PRR14L: variants seen among roughly 807,000 people sequenced by gnomAD.
PRR14L encodes the protein proline rich 14 like, also known as protein PRR14L.
Under a neutral mutation model 155.0 loss-of-function variants are expected in PRR14L, and 80 were observed. That is an observed-to-expected ratio of 0.52 (90% CI 0.43 to 0.62). The LOEUF (loss-of-function observed/expected upper bound fraction) is 0.62. Ranked by LOEUF, PRR14L falls within the 20% of genes least tolerant of loss-of-function variation. The pLI is 0.00. For synonymous variants in PRR14L, 883 were observed against 916.0 expected (o/e 0.96, Z 0.65); for missense variants, 2,469 against 2,548.0 (o/e 0.97, Z 0.67).
chr22:31,736,381 T>C (rs1411867363), intron 2 of PRR14L, among the ~76,000 whole-genome samples: 1 of 148,104 alleles, frequency 6.8e-6, no homozygotes, highest in Non-Finnish European at 1.5e-5. Flanking sequence ...AGCGAAACTC[T>C]GTCTCAAAAA....
chr22:31,702,112 T>C (rs1321616365), intron 6 of PRR14L, among the ~76,000 whole-genome samples: 1 of 152,226 alleles, frequency 6.6e-6, no homozygotes, highest in Non-Finnish European at 1.5e-5. Context: ...TTGTAAGATA[T>C]TTTAAATATA....
intron 8 of PRR14L, among the ~76,000 whole-genome samples, chr22:31,686,237 T>C (rs553777429): frequency 6.6e-6 from 1 of 151,692 alleles, no homozygotes; most frequent in East Asian, 1.9e-4. Flanking sequence ...TAGCTGGGAC[T>C]ACAGGTGCCC....
chr22:31,715,516 T>C lies in PRR14L; in HGVS notation c.2323A>G (p.Ile775Val), dbSNP rs185586556. 86 of 1,552,308 alleles carry C rather than the reference T, an allele frequency of 5.5e-5. No individual in the cohort carries two copies. In the African/African-American group the frequency reaches 8.1e-4, roughly 15 times the overall value. ...TGAGATTGAACGCTGTGACATTCTA[T>C]GACAGAGACCACTTGAGGAAAGCCA... is the stretch of plus-strand genomic sequence containing the variant. ...AAGFPQVVSV[I>V]ECHSVQSQDI... The change falls in exon 4 of 9, where the codon ATA becomes GTA. Residue 775 changes from isoleucine (I) to valine (V), a missense_variant. By Grantham distance (29) the Ile-to-Val change is conservative. This residue lies in a region of PRR14L where 2,363 missense variants were observed against 2,371.6 expected (regional missense o/e 1.00). Coordinates refer to ENST00000327423, the MANE Select transcript of PRR14L (RefSeq NM_173566.3).
chr22:31,744,770 T>C (rs1190350091), intron 1 of PRR14L, among the ~76,000 whole-genome samples: 1 of 152,188 alleles, frequency 6.6e-6, no homozygotes, highest in Non-Finnish European at 1.5e-5. Flanking sequence ...AGCTCAACAT[T>C]TGTTCCAAAT....
Position 31,713,998 on chromosome 22 carries a change from G to A in PRR14L, c.3841C>T (p.Pro1281Ser), listed in dbSNP as rs980210573. 1.3e-6 allele frequency: 2 copies of A among 1,551,390 alleles called. No individual in the cohort carries two copies. Among genetic ancestry groups the A allele is most frequent in the Non-Finnish European group, 1.7e-6 (2 of 1,146,710 alleles). ...CENVKDCTVL[P>S]EMKEIVSRDW... ...CTTGATACTATTTCCTTCATCTCAG[G>A]AAGGACTGTGCAGTCCTTTACATTT... Residue 1281 changes from proline (P) to serine (S), a missense_variant, in exon 4 of 9, where the codon CCT (proline) becomes TCT (serine). Transcript: ENST00000327423.
chr22:31,717,792 G>A (rs747250538), intron 3 of PRR14L, among the ~76,000 whole-genome samples: 8 of 151,986 alleles, frequency 5.3e-5, no homozygotes, highest in Non-Finnish European at 1.0e-4. Context: ...ACAGAGTCTT[G>A]CTCTGTTGCC....
At chr22:31,744,149 T>TG (rs1459443585) in intron 1 of PRR14L, among the ~76,000 whole-genome samples, 7 of 150,886 alleles carry the variant, frequency 4.6e-5, no homozygotes, top group African/African-American at 1.7e-4. Context: ...TTTTTTTTTT[T>TG]GGGATGGAGT....
Position 31,713,568 on chromosome 22 carries a change from A to G in PRR14L, c.4271T>C (p.Leu1424Ser), listed in dbSNP as rs556459687. 5 of 1,552,086 alleles carry G rather than the reference A, an allele frequency of 3.2e-6. No homozygotes were observed. In the Admixed American group the frequency reaches 9.8e-5, roughly 30 times the overall value. Residue 1424 changes from leucine (L) to serine (S), a missense_variant, in exon 4 of 9, where the codon TTG becomes TCG. Physicochemically the swap from Leu to Ser is moderately radical, Grantham distance 145. This residue lies in a region of PRR14L where 2,363 missense variants were observed against 2,371.6 expected (regional missense o/e 1.00). Coordinates refer to ENST00000327423, the MANE Select transcript of PRR14L (RefSeq NM_173566.3). ...ISQQCISSSL[L>S]LDDAQNQNQP... ...GTTCTGATTTTGTGCATCATCTAAC[A>G]ACAGACTAGATGATATGCACTGTTG... is the stretch of plus-strand genomic sequence containing the variant.
At chr22:31,729,623 T>A (rs1393131104) in intron 2 of PRR14L, among the ~76,000 whole-genome samples, 1 of 152,216 alleles carries the variant, frequency 6.6e-6, no homozygotes, top group African/African-American at 2.4e-5. Context: ...ATGATTGGAA[T>A]ATTTAACTTT....
intron 3 of PRR14L, among the ~76,000 whole-genome samples, chr22:31,722,990 A>G (rs2074699097): frequency 6.6e-6 from 1 of 152,192 alleles, no homozygotes; most frequent in Non-Finnish European, 1.5e-5. Flanking sequence ...CCCAGGGCTC[A>G]ACATCTTCAC....
chr22:31,688,025 C>CT (rs1301620256), intron 8 of PRR14L, 131 bp downstream of exon 8: 1 of 808,662 alleles, frequency 1.2e-6, no homozygotes. Context: ...GAGACTCTGT[C>CT]TCAAAAAAAA....
intron 2 of PRR14L, among the ~76,000 whole-genome samples, chr22:31,734,324 T>C (rs2074767058): frequency 6.6e-6 from 1 of 152,090 alleles, no homozygotes; most frequent in Non-Finnish European, 1.5e-5. Context: ...AATTCAAGAG[T>C]TCTTCATGTA....
At chr22:31,722,203 G>A (rs566994218) in intron 3 of PRR14L, among the ~76,000 whole-genome samples, 25 of 152,104 alleles carry the variant, frequency 1.6e-4, no homozygotes, top group Non-Finnish European at 2.6e-4. Flanking sequence ...CCTGAGACGG[G>A]TGGATCACCT....
rs2074464020 is a variant in PRR14L, at chr22:31,683,266, C to A, written c.*2261G>T. ...CTCTGCCATGTTGGTGACACTATAG[C>A]TGTGCCCACTGTTGTCTCTGGGAAA... On this transcript the variant is annotated 3_prime_UTR_variant, in exon 9 of 9. Transcript: ENST00000327423. 6.6e-6 allele frequency: 1 copy of A among 152,248 alleles called. No individual in the cohort carries two copies. The highest frequency in any genetic ancestry group is 6.5e-5 in the Admixed American group (1 of 15,276). 9.4% of individuals were successfully genotyped at this position (152,248 alleles called of 1,614,324 possible).
At chr22:31,746,964 T>C (rs1295644400) in intron 1 of PRR14L, among the ~76,000 whole-genome samples, 2 of 147,048 alleles carry the variant, frequency 1.4e-5, no homozygotes, top group Non-Finnish European at 2.9e-5. Flanking sequence ...GCCTGGCTAA[T>C]TTTTTTATTT....
intron 1 of PRR14L, among the ~76,000 whole-genome samples, chr22:31,747,005 T>C (rs1362829057): frequency 6.6e-6 from 1 of 151,928 alleles, no homozygotes. Flanking sequence ...GGGGTTTCAC[T>C]GAGTTAGCCA....
chr22:31,696,548 T>C (rs1333103759), intron 7 of PRR14L, among the ~76,000 whole-genome samples: 4 of 152,144 alleles, frequency 2.6e-5, no homozygotes, highest in African/African-American at 7.2e-5. Flanking sequence ...GTCGGGATTA[T>C]AGGTGTGAAC....
intron 2 of PRR14L, among the ~76,000 whole-genome samples, chr22:31,736,575 A>G (rs2074782903): frequency 6.6e-6 from 1 of 152,198 alleles, no homozygotes. Context: ...TAGGCAGCCC[A>G]AAGAACATAT....
intron 3 of PRR14L, among the ~76,000 whole-genome samples, chr22:31,724,572 A>AT (rs2074707141): frequency 6.6e-6 from 1 of 152,054 alleles, no homozygotes; most frequent in African/African-American, 2.4e-5. Flanking sequence ...TAATTTTTGC[A>AT]TTTTTTGTAG....
Sources: allele counts gnomAD v4.1 joint callset (sites outside exome capture counted in the v4.1 genomes callset), GRCh38; gene constraint gnomAD v4.1.1; regional missense constraint gnomAD v4.1.1; transcripts MANE v1.5; gene names NCBI Gene and HGNC (gene_info 2026-07-23, HGNC 2026-07-21).